ME2: variants seen among roughly 807,000 people sequenced by gnomAD.
ME2 encodes the protein malic enzyme 2.
Under a neutral mutation model 73.7 loss-of-function variants are expected in ME2, and 60 were observed. The observed-to-expected ratio is 0.81, with a 90% CI of 0.66 to 1.01. The LOEUF (loss-of-function observed/expected upper bound fraction) is 1.01. Among genes scored for constraint, ME2 ranks in the 50% least tolerant of loss-of-function variants. ME2 has a pLI of 0.00. For missense variants in ME2, 594 were observed against 705.5 expected (o/e 0.84, Z 1.79); for synonymous variants, 199 against 236.9 (o/e 0.84, Z 1.47).
intron 1 of ME2, among the ~76,000 whole-genome samples, chr18:50,880,220 T>TA (rs1400423983): frequency 6.6e-6 from 1 of 152,222 alleles, no homozygotes; most frequent in Non-Finnish European, 1.5e-5. Context: ...TTGAGGTTGA[T>TA]ACTGTTACTG....
At chr18:50,929,075 A>C (rs1482006816) in intron 12 of ME2, among the ~76,000 whole-genome samples, 1 of 152,058 alleles carries the variant, frequency 6.6e-6, no homozygotes, top group African/African-American at 2.4e-5. Flanking sequence ...AAAATTTGGT[A>C]TGAAACAACC....
chr18:50,908,961 T>TTTTC (rs1917083972), intron 3 of ME2, among the ~76,000 whole-genome samples: 1 of 146,076 alleles, frequency 6.8e-6, no homozygotes, highest in Non-Finnish European at 1.5e-5. Context: ...CTTTTCTTTT[T>TTTTC]TTTTTTTTTT....
chr18:50,891,064 C>T (rs1163894557), intron 1 of ME2, among the ~76,000 whole-genome samples: 1 of 152,126 alleles, frequency 6.6e-6, no homozygotes, highest in Non-Finnish European at 1.5e-5. Context: ...TCAGACAAAT[C>T]AAACAAATAT....
intron 2 of ME2, 119 bp downstream of exon 2, chr18:50,896,047 T>G: frequency 1.5e-6 from 1 of 671,300 alleles, no homozygotes; most frequent in African/African-American, 1.8e-5. Flanking sequence ...CAGAGATAGT[T>G]GTTTACATGA....
chr18:50,888,013 C>A (rs1420230138), intron 1 of ME2, among the ~76,000 whole-genome samples: 2 of 151,978 alleles, frequency 1.3e-5, no homozygotes, highest in African/African-American at 4.8e-5. Context: ...AACTAAAGAG[C>A]TATATAAGAA....
At chr18:50,882,970 A>T (rs920863489) in intron 1 of ME2, among the ~76,000 whole-genome samples, 6 of 152,164 alleles carry the variant, frequency 3.9e-5, no homozygotes, top group Non-Finnish European at 8.8e-5. Flanking sequence ...ACAAACAAAA[A>T]AACTACTGCA....
intron 2 of ME2, among the ~76,000 whole-genome samples, chr18:50,905,113 A>T (rs1287509627): frequency 6.6e-6 from 1 of 152,010 alleles, no homozygotes; most frequent in Non-Finnish European, 1.5e-5. Context: ...CAGCCTCTCG[A>T]GTAGCTGGGA....
Position 50,950,127 on chromosome 18 carries a change from A to G in ME2, c.*2943A>G, listed in dbSNP as rs1918188253. On this transcript the variant is annotated 3_prime_UTR_variant, in exon 16 of 16. Transcript: ENST00000321341. ...CATGTGTTTCTAATCTCCCACCACC[A>G]CCTGTTGTATGGAACAAATTGGATT... 1 of 152,200 alleles carries G rather than the reference A, an allele frequency of 6.6e-6. No individual in the cohort carries two copies. Among genetic ancestry groups the G allele is most frequent in the Admixed American group, 6.5e-5 (1 of 15,286 alleles). The allele number at this position is 152,200 out of a possible 1,614,324, so 9.4% of individuals were successfully genotyped here. A position where few individuals can be genotyped will look rare whatever the true frequency, so the allele number is the denominator to read the frequency against.
At chr18:50,905,969 T>C (rs1239270082) in intron 2 of ME2, among the ~76,000 whole-genome samples, 2 of 152,202 alleles carry the variant, frequency 1.3e-5, no homozygotes, top group South Asian at 2.1e-4. Context: ...TCCATTCAGG[T>C]GGTTGGGAGA....
At chr18:50,936,187 A>G (rs1917816497) in intron 13 of ME2, among the ~76,000 whole-genome samples, 1 of 152,234 alleles carries the variant, frequency 6.6e-6, no homozygotes, top group South Asian at 2.1e-4. Context: ...CTCAGTGACA[A>G]TAAGATACCA....
chr18:50,921,314 C>T (rs1917422398), intron 10 of ME2, 127 bp downstream of exon 10: 1 of 522,320 alleles, frequency 1.9e-6, no homozygotes, highest in African/African-American at 2.0e-5. Flanking sequence ...GGACCTTCCA[C>T]TCTCTTTTCA....
intron 4 of ME2, chr18:50,915,913 AT>A: frequency 3.2e-6 from 1 of 313,002 alleles, no homozygotes; most frequent in Non-Finnish European, 5.8e-6. Flanking sequence ...TGAACATGAG[AT>A]GTGGTTACAT....
intron 7 of ME2, 46 bp from the exon 8 acceptor site, chr18:50,920,410 A>G (rs377204472): frequency 3.8e-5 from 48 of 1,257,342 alleles, no homozygotes; most frequent in Non-Finnish European, 5.0e-5. Context: ...AAGCTGTTTA[A>G]TAGTGTTATT....
At chr18:50,884,877 G>A (rs995333368) in intron 1 of ME2, among the ~76,000 whole-genome samples, 3 of 151,170 alleles carry the variant, frequency 2.0e-5, no homozygotes, top group African/African-American at 7.3e-5. Context: ...TGTCTGAAAC[G>A]GAGTTTCGCT....
At chr18:50,946,967 C>G in intron 15 of ME2, 50 bp from the exon 16 acceptor site, 1 of 1,350,070 alleles carries the variant, frequency 7.4e-7, no homozygotes, top group Non-Finnish European at 1.1e-6. Flanking sequence ...CGTTGTCTCT[C>G]TAATAGGTTA....
intron 1 of ME2, among the ~76,000 whole-genome samples, chr18:50,892,245 G>A (rs919201247): frequency 4.6e-5 from 7 of 151,992 alleles, no homozygotes; most frequent in East Asian, 1.9e-4. Flanking sequence ...AAATTTCTTG[G>A]ATTTTCTCAC....
intron 12 of ME2, among the ~76,000 whole-genome samples, chr18:50,928,504 C>G (rs1208427699): frequency 6.6e-6 from 1 of 152,130 alleles, no homozygotes; most frequent in East Asian, 1.9e-4. Context: ...TCCCAAAGTG[C>G]TGGGATTACA....
At chr18:50,928,230 G>C (rs900825194) in intron 12 of ME2, among the ~76,000 whole-genome samples, 3 of 150,870 alleles carry the variant, frequency 2.0e-5, no homozygotes, top group African/African-American at 7.3e-5. Flanking sequence ...TGTTTGTAAG[G>C]CTAATTTGTC....
chr18:50,920,840 A>G, intron 9 of ME2, 82 bp downstream of exon 9: 1 of 1,079,546 alleles, frequency 9.3e-7, no homozygotes, highest in South Asian at 1.6e-5. Context: ...ATGTTTATGA[A>G]AGAGCATAGT....
Sources: allele counts gnomAD v4.1 joint callset (sites outside exome capture counted in the v4.1 genomes callset), GRCh38; gene constraint gnomAD v4.1.1; transcripts MANE v1.5; gene names NCBI Gene and HGNC (gene_info 2026-07-23, HGNC 2026-07-21).